The following ERBB4 variants were observed in gnomAD, a reference collection of about 807,000 sequenced individuals.
The protein encoded by ERBB4 is receptor tyrosine-protein kinase erbB-4.
In ERBB4, 42 loss-of-function variants were observed where a neutral mutation model predicts 158.0. That is an observed-to-expected ratio of 0.27 (90% CI 0.21 to 0.34). The LOEUF (loss-of-function observed/expected upper bound fraction) is 0.34, where lower values mean the gene tolerates loss of function less well. Ranked by LOEUF, ERBB4 falls within the 10% of genes least tolerant of loss-of-function variation. The pLI, the probability that ERBB4 is intolerant of heterozygous loss-of-function variation, is 1.00. For missense variants in ERBB4, 1,333 were observed against 1,624.1 expected, an observed-to-expected ratio of 0.82 and a Z score of 3.08; for synonymous variants, 583 against 558.7, an observed-to-expected ratio of 1.04 and a Z score of -0.61.
chr2:212,393,136 C>T (rs571104528), intron 1 of ERBB4, among the ~76,000 whole-genome samples: 2 of 152,044 alleles, frequency 1.3e-5, no homozygotes, highest in Non-Finnish European at 2.9e-5. Flanking sequence ...CTACTTGGGC[C>T]TGTTCAAATT....
intron 4 of ERBB4, among the ~76,000 whole-genome samples, chr2:211,752,809 A>C (rs1390402148): frequency 2.0e-5 from 3 of 146,696 alleles, no homozygotes; most frequent in Non-Finnish European, 3.1e-5. Context: ...TATAGTACCC[A>C]CACACACAAA....
chr2:211,650,222 A>C (rs925359786), intron 16 of ERBB4, among the ~76,000 whole-genome samples: 7 of 152,092 alleles, frequency 4.6e-5, no homozygotes, highest in African/African-American at 1.4e-4. Flanking sequence ...TGGCAGGCAT[A>C]AAAACAGAAA....
chr2:212,437,428 C>T (rs2092161930), intron 1 of ERBB4, among the ~76,000 whole-genome samples: 2 of 151,030 alleles, frequency 1.3e-5, no homozygotes, highest in Non-Finnish European at 2.9e-5. Context: ...AACTAGAATT[C>T]TCCTTTCCTG....
chr2:211,496,276 ATG>A (rs1210484436), intron 20 of ERBB4, among the ~76,000 whole-genome samples: 1 of 151,968 alleles, frequency 6.6e-6, no homozygotes, highest in African/African-American at 2.4e-5. Flanking sequence ...TGAGTCCTAA[ATG>A]TGTAGTTCCT....
intron 20 of ERBB4, among the ~76,000 whole-genome samples, chr2:211,556,399 AG>A (rs1284113394): frequency 6.6e-6 from 1 of 152,206 alleles, no homozygotes; most frequent in African/African-American, 2.4e-5. Flanking sequence ...AACTTAACAA[AG>A]GTCTTCAGGA....
chr2:211,645,411 G>T (rs946208363), intron 16 of ERBB4, among the ~76,000 whole-genome samples: 1 of 151,546 alleles, frequency 6.6e-6, no homozygotes, highest in Non-Finnish European at 1.5e-5. Context: ...AAGCCATCCT[G>T]TGAATTGTTT....
At chr2:212,485,810 C>T (rs1358013314) in intron 1 of ERBB4, among the ~76,000 whole-genome samples, 1 of 152,036 alleles carries the variant, frequency 6.6e-6, no homozygotes, top group Non-Finnish European at 1.5e-5. Flanking sequence ...ATAGGTGGCA[C>T]CTTCTCACTG....
intron 1 of ERBB4, among the ~76,000 whole-genome samples, chr2:212,413,126 C>T (rs920769687): frequency 2.1e-5 from 3 of 142,158 alleles, no homozygotes; most frequent in Non-Finnish European, 4.5e-5. Context: ...CACCACCATG[C>T]GTGGCTAATT....
intron 1 of ERBB4, among the ~76,000 whole-genome samples, chr2:212,314,497 G>A (rs1422108889): frequency 2.7e-5 from 4 of 150,228 alleles, no homozygotes; most frequent in Admixed American, 6.7e-5. Flanking sequence ...TAGTTATTTG[G>A]TTATCTTGAA....
At chr2:212,224,616 C>G (rs2083412981) in intron 1 of ERBB4, among the ~76,000 whole-genome samples, 1 of 151,930 alleles carries the variant, frequency 6.6e-6, no homozygotes, top group Non-Finnish European at 1.5e-5. Flanking sequence ...AATATCTTGG[C>G]AACAACCCTA....
At chr2:211,722,645 C>G (rs1046932540) in intron 6 of ERBB4, 111 bp from the exon 7 acceptor site, 1 of 1,141,936 alleles carries the variant, frequency 8.8e-7, no homozygotes, top group Non-Finnish European at 1.3e-6. Context: ...ACAAATATTA[C>G]AAAATTTGAT....
chr2:212,401,504 A>G (rs1226495200), intron 1 of ERBB4, among the ~76,000 whole-genome samples: 1 of 152,126 alleles, frequency 6.6e-6, no homozygotes, highest in Non-Finnish European at 1.5e-5. Context: ...TATTTACACT[A>G]CTAAAACAGA....
intron 18 of ERBB4, among the ~76,000 whole-genome samples, chr2:211,621,931 A>G (rs551371612): frequency 1.3e-5 from 2 of 152,178 alleles, no homozygotes; most frequent in Non-Finnish European, 2.9e-5. Flanking sequence ...CTTCAGTTAC[A>G]TCTGTGAATA....
At chr2:212,513,892 CTT>C (rs1691673863) in intron 1 of ERBB4, among the ~76,000 whole-genome samples, 1 of 152,162 alleles carries the variant, frequency 6.6e-6, no homozygotes, top group Non-Finnish European at 1.5e-5. Context: ...AAATCTGAAA[CTT>C]GAACTCAGGT....
At chr2:211,989,882 C>G (rs1441983645) in intron 2 of ERBB4, among the ~76,000 whole-genome samples, 1 of 151,940 alleles carries the variant, frequency 6.6e-6, no homozygotes, top group Non-Finnish European at 1.5e-5. Context: ...CTCATTCATC[C>G]TATTAATATG....
At chr2:211,935,037 G>C (rs1163797030) in intron 3 of ERBB4, among the ~76,000 whole-genome samples, 1 of 151,214 alleles carries the variant, frequency 6.6e-6, no homozygotes, top group Admixed American at 6.6e-5. Context: ...TTAGTGTCAT[G>C]TGATCCCCTT....
chr2:211,482,397 T>C (rs767188651), intron 20 of ERBB4, among the ~76,000 whole-genome samples: 1 of 152,182 alleles, frequency 6.6e-6, no homozygotes, highest in South Asian at 2.1e-4. Context: ...CTAGACTAAA[T>C]GCAGTTGTAT....
chr2:212,412,725 A>G (rs1206678007), intron 1 of ERBB4, among the ~76,000 whole-genome samples: 1 of 152,286 alleles, frequency 6.6e-6, no homozygotes, highest in East Asian at 1.9e-4. Flanking sequence ...TTGTCTTTAG[A>G]TCTCAGCTGA....
intron 1 of ERBB4, among the ~76,000 whole-genome samples, chr2:212,300,012 C>G (rs745473633): frequency 5.9e-5 from 9 of 151,458 alleles, no homozygotes; most frequent in African/African-American, 2.2e-4. Flanking sequence ...TTTCATTTCC[C>G]CCTCCCTTGT....
Sources: gnomAD v4.1 joint callset for allele counts (sites outside exome capture counted in the v4.1 genomes callset) on GRCh38, gnomAD v4.1.1 for gene constraint, MANE v1.5 for transcripts, NCBI Gene and HGNC (gene_info 2026-07-23, HGNC 2026-07-21) for gene names.